Variants in SYN3 observed in about 807,000 individuals in gnomAD.
The protein encoded by SYN3 is synapsin III, also known as synapsin-3.
SYN3 carries 35 observed loss-of-function variants against 65.8 expected under a neutral mutation model. The observed-to-expected ratio is 0.53, with a 90% CI of 0.41 to 0.70. The LOEUF is 0.70. Ranked by LOEUF, SYN3 falls within the 30% of genes least tolerant of loss-of-function variation. SYN3 has a pLI of 0.00. For synonymous variants in SYN3, 270 were observed against 292.9 expected, an observed-to-expected ratio of 0.92 and a Z score of 0.80; for missense variants, 680 against 749.0, an observed-to-expected ratio of 0.91 and a Z score of 1.08.
At chr22:32,584,856 G>C (rs1205088024) in intron 7 of SYN3, among the ~76,000 whole-genome samples, 1 of 152,216 alleles carries the variant, frequency 6.6e-6, no homozygotes, top group Admixed American at 6.5e-5. Context: ...ATATGCAAAA[G>C]GTCAGTGCTG....
At chr22:32,799,446 A>G (rs972821102) in intron 6 of SYN3, among the ~76,000 whole-genome samples, 3 of 152,228 alleles carry the variant, frequency 2.0e-5, no homozygotes, top group East Asian at 3.8e-4. Flanking sequence ...GATGCTTTCT[A>G]TGAGAAAACT....
At chr22:33,035,331 C>CCCA (rs2053835480) in intron 1 of SYN3, among the ~76,000 whole-genome samples, 2 of 17,610 alleles carry the variant, frequency 1.1e-4, no homozygotes, top group Non-Finnish European at 2.1e-4. Context: ...AATCTCGGGA[C>CCCA]CCCCCCCCCC....
intron 2 of SYN3, among the ~76,000 whole-genome samples, chr22:32,986,181 C>T (rs1189244631): frequency 1.3e-5 from 2 of 151,942 alleles, no homozygotes; most frequent in African/African-American, 4.8e-5. Context: ...TGTCTGTAGG[C>T]CGGCCTTTCC....
Position 32,711,306 on chromosome 22 carries a change from G to A in SYN3, c.712-114570C>T, listed in dbSNP as rs1414443453. On this transcript the variant is annotated intron_variant, in intron 6 of 13. Coordinates refer to ENST00000358763, the MANE Select transcript of SYN3 (RefSeq NM_003490.4). Reference sequence around the variant, plus strand: ...GTCTAATGACTTGGCATGGGGAGACGATCTGAACCAATTGGATTCATTCTC... The same window carrying A: ...GTCTAATGACTTGGCATGGGGAGACAATCTGAACCAATTGGATTCATTCTC... 2.6e-5 allele frequency among the ~76,000 whole-genome samples: 4 copies of A among 152,194 alleles called. No individual in the cohort carries two copies. In the East Asian group the frequency reaches 5.8e-4, roughly 22 times the overall value.
rs1345878961 is a variant in SYN3, at chr22:32,765,372, G to A, written c.711+99543C>T. ...GTCTCTGCAGCTTCTCACTCCTCCC[G>A]GGATATCTCTGGCCAAGTCCTTGAG... On this transcript the variant is annotated intron_variant, in intron 6 of 13. Coordinates refer to ENST00000358763, the MANE Select transcript of SYN3 (RefSeq NM_003490.4). Among the ~76,000 whole-genome samples, 7 of 152,100 alleles carry A rather than the reference G, an allele frequency of 4.6e-5. 1 individual carries two copies. The highest frequency in any genetic ancestry group is 8.8e-5 in the Non-Finnish European group (6 of 68,006).
chr22:32,888,307 C>T (rs2049350080), intron 4 of SYN3, among the ~76,000 whole-genome samples: 1 of 152,146 alleles, frequency 6.6e-6, no homozygotes, highest in Non-Finnish European at 1.5e-5. Flanking sequence ...AAAGGGCCCA[C>T]ACAGTATGCT....
Position 32,697,945 on chromosome 22 carries a change from G to A in SYN3, c.712-101209C>T, listed in dbSNP as rs149561977. Among the ~76,000 whole-genome samples the A allele has an allele frequency of 9.3e-3, 1,409 of 152,230 alleles. 26 individuals carry two copies. Among genetic ancestry groups the A allele is most frequent in the African/African-American group, 0.033 (1,353 of 41,528 alleles). Reference sequence around the variant, plus strand: ...TGCTGGAGCAAGAGAGATGCACGGAGCAGAGCTGAGATGCCCAGTCCCCCG... The same window carrying A: ...TGCTGGAGCAAGAGAGATGCACGGAACAGAGCTGAGATGCCCAGTCCCCCG... On this transcript the variant is annotated intron_variant, in intron 6 of 13. Transcript: ENST00000358763.
chr22:32,517,626 T>C lies in SYN3; in HGVS notation c.1610+417A>G, dbSNP rs1392549415. ...AATTATCTGTTTTTTATCTGAAATG[T>C]GAATCTAACTGGGTATCCTATGTTT... On this transcript the variant is annotated intron_variant, in intron 13 of 13. Transcript: ENST00000358763. Among the ~76,000 whole-genome samples, 3 of 152,316 alleles carry C rather than the reference T, an allele frequency of 2.0e-5. No homozygotes were observed. The East Asian group carries it at 5.8e-4, about 29-fold the overall frequency.
intron 6 of SYN3, among the ~76,000 whole-genome samples, chr22:32,602,877 T>C (rs1457762381): frequency 6.6e-6 from 1 of 152,238 alleles, no homozygotes; most frequent in Non-Finnish European, 1.5e-5. Context: ...GAGACTTCAT[T>C]AAACATCTTT....
At chr22:32,975,904 A>G (rs1295690017) in intron 3 of SYN3, among the ~76,000 whole-genome samples, 1 of 152,220 alleles carries the variant, frequency 6.6e-6, no homozygotes, top group East Asian at 1.9e-4. Context: ...TCCAACTTAC[A>G]CTTCTCTATC....
chr22:32,960,447 C>T (rs547282147), intron 3 of SYN3, among the ~76,000 whole-genome samples: 12 of 152,328 alleles, frequency 7.9e-5, no homozygotes, highest in Non-Finnish European at 1.6e-4. Flanking sequence ...TCGCCCACAT[C>T]TCCCTATCAT....
At chr22:32,966,742 C>T (rs1361038131) in intron 3 of SYN3, among the ~76,000 whole-genome samples, 1 of 152,082 alleles carries the variant, frequency 6.6e-6, no homozygotes, top group African/African-American at 2.4e-5. Context: ...CAGTGAGACC[C>T]TGTCTCTACA....
chr22:32,811,577 G>A (rs530895069), intron 6 of SYN3, among the ~76,000 whole-genome samples: 7 of 152,186 alleles, frequency 4.6e-5, no homozygotes, highest in Non-Finnish European at 7.3e-5. Context: ...ACAGGGCAGA[G>A]AAAGAAACAA....
intron 4 of SYN3, among the ~76,000 whole-genome samples, chr22:32,902,675 A>T (rs1401421557): frequency 1.3e-5 from 2 of 152,150 alleles, no homozygotes; most frequent in Non-Finnish European, 2.9e-5. Context: ...AGCAAATGCA[A>T]GGAGGATGGG....
chr22:32,824,906 C>G (rs1012589059), intron 6 of SYN3, among the ~76,000 whole-genome samples: 2 of 152,188 alleles, frequency 1.3e-5, no homozygotes, highest in African/African-American at 4.8e-5. Context: ...AAGGAGCACA[C>G]AGAAGGCAGA....
At chr22:33,035,642 G>A (rs1362215482) in intron 1 of SYN3, among the ~76,000 whole-genome samples, 3 of 152,172 alleles carry the variant, frequency 2.0e-5, no homozygotes, top group African/African-American at 7.2e-5. Context: ...GCAGTAGCAC[G>A]ATCACAGCTG....
intron 2 of SYN3, among the ~76,000 whole-genome samples, chr22:33,000,817 G>A (rs1263184735): frequency 6.6e-6 from 1 of 152,210 alleles, no homozygotes; most frequent in Non-Finnish European, 1.5e-5. Context: ...GCTGGGGAGG[G>A]GGCTGGCCCA....
intron 3 of SYN3, among the ~76,000 whole-genome samples, chr22:32,963,405 G>A (rs1393011099): frequency 6.6e-6 from 1 of 151,960 alleles, no homozygotes; most frequent in Non-Finnish European, 1.5e-5. Context: ...TAAATTTAAT[G>A]AAGGTGTTTA....
intron 6 of SYN3, among the ~76,000 whole-genome samples, chr22:32,796,432 C>T (rs2145903147): frequency 6.6e-6 from 1 of 152,296 alleles, no homozygotes; most frequent in Non-Finnish European, 1.5e-5. Context: ...GAGGGGTCTT[C>T]AATTTGCTGG....
Sources: allele counts gnomAD v4.1 joint callset (sites outside exome capture counted in the v4.1 genomes callset), GRCh38; gene constraint gnomAD v4.1.1; transcripts MANE v1.5; gene names NCBI Gene and HGNC (gene_info 2026-07-23, HGNC 2026-07-21).